KMO: variants seen among roughly 807,000 people sequenced by gnomAD.
The protein encoded by KMO is kynurenine 3-hydroxylase.
Under a neutral mutation model 57.8 loss-of-function variants are expected in KMO, and 24 were observed. The observed-to-expected ratio is 0.42, with a 90% CI of 0.30 to 0.58. The LOEUF (loss-of-function observed/expected upper bound fraction) is 0.58, where lower values mean the gene tolerates loss of function less well. Among genes scored for constraint, KMO ranks in the 20% least tolerant of loss-of-function variants. The pLI is 0.22. For synonymous variants in KMO, 210 were observed against 193.6 expected (o/e 1.08, Z -0.70); for missense variants, 483 against 588.2 (o/e 0.82, Z 1.85).
rs1663355793 is a variant in KMO, at chr1:241,592,754, T to TCATC, written c.*602_*605dup. ...TATCTATCATCTATCTATCTATCTATCATCTATCTATCTATCTATCTATCT... is the reference window on the plus strand; with the variant it reads ...TATCTATCATCTATCTATCTATCTATCATCCATCTATCTATCTATCTATCTATCT... On this transcript the variant is annotated 3_prime_UTR_variant, in exon 15 of 15. Coordinates refer to ENST00000366559, the MANE Select transcript of KMO (RefSeq NM_003679.5). The TCATC allele has an allele frequency of 8.5e-6, 1 of 117,834 alleles. No individual in the cohort carries two copies. The highest frequency in any genetic ancestry group is 1.8e-5 in the Non-Finnish European group (1 of 55,666). 7.3% of individuals were successfully genotyped at this position (117,834 alleles called of 1,614,324 possible).
At chr1:241,539,345 C>T (rs1660867759) in intron 1 of KMO, among the ~76,000 whole-genome samples, 2 of 143,832 alleles carry the variant, frequency 1.4e-5, no homozygotes, top group Non-Finnish European at 3.0e-5. Flanking sequence ...GATCGTGCCA[C>T]TGCATTCCAG....
intron 2 of KMO, among the ~76,000 whole-genome samples, chr1:241,549,380 GAAA>G (rs970788792): frequency 3.3e-5 from 5 of 151,774 alleles, no homozygotes; most frequent in African/African-American, 9.7e-5. Flanking sequence ...TAGAAAGAAA[GAAA>G]AAGAATTGCA....
chr1:241,538,703 C>G (rs1387016740), intron 1 of KMO, among the ~76,000 whole-genome samples: 1 of 152,142 alleles, frequency 6.6e-6, no homozygotes, highest in Admixed American at 6.6e-5. Context: ...TATCTAGCAC[C>G]TTCTAAAAAC....
Position 241,592,317 on chromosome 1 carries a change from T to TG in KMO, c.*170dup, listed in dbSNP as rs1663338911. Reference sequence around the variant, plus strand: ...CTGTATGTTAATTGCAATTACTGGTTGGGGGGTGCATTTTAAAAGATGAAA... The same window carrying TG: ...CTGTATGTTAATTGCAATTACTGGTTGGGGGGGTGCATTTTAAAAGATGAAA... On this transcript the variant is annotated 3_prime_UTR_variant, in exon 15 of 15. Coordinates refer to ENST00000366559, the MANE Select transcript of KMO (RefSeq NM_003679.5). 2 of 617,510 alleles carry TG rather than the reference T, an allele frequency of 3.2e-6. No homozygotes were observed. 38.3% of individuals were successfully genotyped at this position (617,510 alleles called of 1,614,324 possible). A position where few individuals can be genotyped will look rare whatever the true frequency, so the allele number is the denominator to read the frequency against.
chr1:241,589,272 A>G (rs1317098989), intron 12 of KMO, among the ~76,000 whole-genome samples: 2 of 152,224 alleles, frequency 1.3e-5, no homozygotes, highest in African/African-American at 2.4e-5. Flanking sequence ...AAAATGCATA[A>G]TACCAAAAAG....
At chr1:241,550,528 G>A (rs1661355971) in intron 3 of KMO, among the ~76,000 whole-genome samples, 1 of 152,170 alleles carries the variant, frequency 6.6e-6, no homozygotes. Context: ...GACAGTACTA[G>A]CAAATATGAG....
At chr1:241,588,405 T>A (rs1273028949) in intron 11 of KMO, among the ~76,000 whole-genome samples, 2 of 149,300 alleles carry the variant, frequency 1.3e-5, no homozygotes, top group African/African-American at 4.9e-5. Context: ...AGATATTTTG[T>A]TTCCTCCTTT....
intron 4 of KMO, among the ~76,000 whole-genome samples, chr1:241,552,163 T>G (rs1219668246): frequency 9.1e-6 from 1 of 109,466 alleles, no homozygotes; most frequent in Non-Finnish European, 2.0e-5. Context: ...TGTGTGTGAG[T>G]GTGAGTGTGT....
intron 7 of KMO, among the ~76,000 whole-genome samples, chr1:241,562,930 GGAA>G (rs1186522697): frequency 9.9e-4 from 62 of 62,580 alleles, no homozygotes; most frequent in East Asian, 2.2e-3. Flanking sequence ...AAGGAAGGAA[GGAA>G]GGAAGGAGAC....
chr1:241,572,587 AT>A (rs1395088625), intron 10 of KMO, among the ~76,000 whole-genome samples: 1 of 151,860 alleles, frequency 6.6e-6, no homozygotes. Context: ...GATCTTTATT[AT>A]TTTTTAAAGA....
Position 241,561,968 on chromosome 1 carries a change from A to T in KMO, c.450-199A>T, listed in dbSNP as rs1274897881. On this transcript the variant is annotated intron_variant, in intron 6 of 14. Coordinates refer to ENST00000366559, the MANE Select transcript of KMO (RefSeq NM_003679.5). ...TTATTAATCAATATGGTGTTGTGCTATTCTCATAAGCAAACTTATGACTGG... is the reference window on the plus strand; with the variant it reads ...TTATTAATCAATATGGTGTTGTGCTTTTCTCATAAGCAAACTTATGACTGG... The T allele has an allele frequency of 3.2e-5, 18 of 569,118 alleles. No individual in the cohort carries two copies. The East Asian group carries it at 5.3e-4, about 17-fold the overall frequency. The allele number at this position is 569,118 out of a possible 1,614,324, so 35.3% of individuals were successfully genotyped here. A position where few individuals can be genotyped will look rare whatever the true frequency, so the allele number is the denominator to read the frequency against.
intron 2 of KMO, among the ~76,000 whole-genome samples, chr1:241,549,256 A>AGAAAGAAG (rs1553346346): frequency 4.7e-4 from 54 of 114,906 alleles, no homozygotes; most frequent in African/African-American, 1.3e-3. Flanking sequence ...AAAGAAAGAA[A>AGAAAGAAG]GAAAGAAAGA....
intron 11 of KMO, 116 bp from the exon 12 acceptor site, chr1:241,588,632 T>C (rs1225739895): frequency 2.3e-5 from 15 of 646,236 alleles, no homozygotes; most frequent in Non-Finnish European, 3.9e-5. Context: ...TGGTTATTTA[T>C]AGTTTAAAAA....
chr1:241,539,478 G>A (rs1455002697), intron 1 of KMO, among the ~76,000 whole-genome samples: 2 of 152,132 alleles, frequency 1.3e-5, no homozygotes, highest in Non-Finnish European at 2.9e-5. Context: ...TTCAGCCAAT[G>A]AGAAATTAAA....
chr1:241,546,492 G>A (rs1304148757), intron 1 of KMO, among the ~76,000 whole-genome samples: 14 of 152,174 alleles, frequency 9.2e-5, no homozygotes, highest in Admixed American at 9.2e-4. Context: ...AGAATACACA[G>A]AAAATTTGAT....
At chr1:241,557,640 G>A (rs1179802538) in intron 5 of KMO, among the ~76,000 whole-genome samples, 2 of 152,146 alleles carry the variant, frequency 1.3e-5, no homozygotes, top group African/African-American at 4.8e-5. Context: ...GAGCCAGTTT[G>A]CTAGGTATAT....
At chr1:241,565,179 G>A in intron 8 of KMO, 121 bp downstream of exon 8, 1 of 611,314 alleles carries the variant, frequency 1.6e-6, no homozygotes, top group East Asian at 3.0e-5. Flanking sequence ...TCCATTTAGT[G>A]ATTATAGCTT....
intron 1 of KMO, among the ~76,000 whole-genome samples, chr1:241,540,889 T>G (rs944994289): frequency 3.3e-5 from 5 of 151,768 alleles, no homozygotes; most frequent in African/African-American, 7.3e-5. Flanking sequence ...CATAGCAAGA[T>G]CCTGTCTCTA....
chr1:241,560,845 T>C, intron 6 of KMO, 93 bp downstream of exon 6: 1 of 840,858 alleles, frequency 1.2e-6, no homozygotes, highest in Non-Finnish European at 2.0e-6. Context: ...TTTGAAAGAG[T>C]TAAAAGATTA....
Sources: gnomAD v4.1 joint callset for allele counts (sites outside exome capture counted in the v4.1 genomes callset) on GRCh38, gnomAD v4.1.1 for gene constraint, MANE v1.5 for transcripts, NCBI Gene and HGNC (gene_info 2026-07-23, HGNC 2026-07-21) for gene names.